EXOC5: variants seen among roughly 807,000 people sequenced by gnomAD.
The protein encoded by EXOC5 is exocyst complex component 5.
In EXOC5, 17 loss-of-function variants were observed where a neutral mutation model predicts 90.8. The ratio of observed to expected loss-of-function variants is 0.19; its 90% CI spans 0.13 to 0.28. The LOEUF (loss-of-function observed/expected upper bound fraction) is 0.28. Ranked by LOEUF, EXOC5 falls within the 10% of genes least tolerant of loss-of-function variation. The probability of loss-of-function intolerance (pLI) is 1.00; values close to 1 mark genes in which losing one functional copy is unlikely to be tolerated. For missense variants in EXOC5, 569 were observed against 830.6 expected (o/e 0.69, Z 3.87); for synonymous variants, 260 against 270.0 (o/e 0.96, Z 0.36).
intron 15 of EXOC5, among the ~76,000 whole-genome samples, chr14:57,216,697 CG>C (rs1195965858): frequency 6.6e-6 from 1 of 151,978 alleles, no homozygotes; most frequent in African/African-American, 2.4e-5. Flanking sequence ...TAGAAGAAAA[CG>C]TAAGAAAAAA....
At chr14:57,232,440 T>C in intron 10 of EXOC5, 1 of 303,258 alleles carries the variant, frequency 3.3e-6, no homozygotes. Flanking sequence ...ATTACACTAA[T>C]GCTTAGAGAA....
intron 1 of EXOC5, among the ~76,000 whole-genome samples, chr14:57,258,216 C>A (rs1014585584): frequency 6.6e-6 from 1 of 152,116 alleles, no homozygotes; most frequent in African/African-American, 2.4e-5. Context: ...CAAAAGATTA[C>A]AAATCATTCT....
intron 10 of EXOC5, 30 bp downstream of exon 10, chr14:57,232,637 T>C: frequency 2.2e-6 from 2 of 925,536 alleles, no homozygotes; most frequent in Non-Finnish European, 3.3e-6. Flanking sequence ...AAATCTGTTA[T>C]CTATTATTTT....
intron 5 of EXOC5, chr14:57,237,696 A>C (rs987467208): frequency 5.4e-6 from 1 of 185,930 alleles, no homozygotes. Context: ...GACACTAACA[A>C]CCCAGCCAGT....
At chr14:57,237,217 C>T in intron 6 of EXOC5, 121 bp downstream of exon 6, 2 of 665,292 alleles carry the variant, frequency 3.0e-6, no homozygotes, top group Non-Finnish European at 5.5e-6. Context: ...ATCTTCTATG[C>T]AGTAGCCTAC....
In EXOC5 at chr14:57,256,352, T is replaced by G. The variant is rs572662651; in HGVS notation, c.28-8640A>C. 9.2e-5 allele frequency among the ~76,000 whole-genome samples: 14 copies of G among 152,132 alleles called. No individual in the cohort carries two copies. In the South Asian group the frequency reaches 1.3e-3, roughly 14 times the overall value. On this transcript the variant is annotated intron_variant, in intron 1 of 17. Transcript: ENST00000621441. Reference sequence around the variant, plus strand: ...GGCCTAAAAAGGGTATTATAACCAGTTAAGATACCAAGAACATCAGAGGTA... The same window carrying G: ...GGCCTAAAAAGGGTATTATAACCAGGTAAGATACCAAGAACATCAGAGGTA...
chr14:57,209,616 A>G lies in EXOC5; in HGVS notation c.1889T>C (p.Leu630Ser), dbSNP rs1882765199. 3 of 1,613,542 alleles carry G rather than the reference A, an allele frequency of 1.9e-6. No homozygotes were observed. The highest frequency in any genetic ancestry group is 2.5e-6 in the Non-Finnish European group (3 of 1,179,650). Residue 630 changes from leucine (L) to serine (S), a missense_variant, in exon 17 of 18, where the codon TTG (leucine) becomes TCG (serine). Physicochemically the swap from Leu to Ser is moderately radical, Grantham distance 145. Around this residue, in one of 9 missense-constraint regions of EXOC5, gnomAD observed 122 missense variants for 180.0 expected, o/e 0.68. Transcript: ENST00000621441. ...QYSYSCMGGM[L>S]AICDVAEYRK... ...ATATTCGGCTACATCACAAATGGCC[A>G]ACATGCCACCCATACAACTGTAGGA...
At chr14:57,244,473 T>A (rs567025196) in intron 3 of EXOC5, 114 bp from the exon 4 acceptor site, 4 of 779,218 alleles carry the variant, frequency 5.1e-6, no homozygotes, top group Non-Finnish European at 6.4e-6. Context: ...CGAGATGATC[T>A]ACAAAATTCA....
At chr14:57,238,680 G>A (rs1273268125) in intron 5 of EXOC5, among the ~76,000 whole-genome samples, 1 of 151,802 alleles carries the variant, frequency 6.6e-6, no homozygotes, top group Non-Finnish European at 1.5e-5. Context: ...GATCATTATT[G>A]CTAATTCTTC....
At chr14:57,264,132 A>G (rs1027278594) in intron 1 of EXOC5, among the ~76,000 whole-genome samples, 4 of 152,234 alleles carry the variant, frequency 2.6e-5, no homozygotes, top group Admixed American at 1.3e-4. Context: ...GATTCATTCA[A>G]CGTTTGCAGA....
chr14:57,261,905 T>C (rs1029506506), intron 1 of EXOC5, among the ~76,000 whole-genome samples: 3 of 152,308 alleles, frequency 2.0e-5, no homozygotes, highest in East Asian at 1.9e-4. Context: ...TCTATAGTCA[T>C]AGGCCTGTAC....
intron 5 of EXOC5, among the ~76,000 whole-genome samples, chr14:57,238,022 T>C (rs1980787): frequency 6.6e-6 from 1 of 151,884 alleles, no homozygotes; most frequent in African/African-American, 2.4e-5. Context: ...TATTTTAAGA[T>C]TGTGTGCAAT....
chr14:57,237,131 T>C (rs57060284), intron 6 of EXOC5, among the ~76,000 whole-genome samples: 1,925 of 152,146 alleles, frequency 0.013, 42 homozygotes, highest in African/African-American at 0.043. Context: ...TGCTTGTATA[T>C]CCATAGATTA....
chr14:57,208,507 G>A lies in EXOC5; in HGVS notation c.*102C>T, dbSNP rs1250118210. 4.2e-6 allele frequency: 3 copies of A among 721,686 alleles called. No homozygotes were observed. Among genetic ancestry groups the A allele is most frequent in the Non-Finnish European group, 6.9e-6 (3 of 437,568 alleles). 44.7% of individuals were successfully genotyped at this position (721,686 alleles called of 1,614,324 possible). The stretch of plus-strand genomic sequence containing the variant: ...CATTGTTTCACAAAATGTTGGCTGT[G>A]TCATAAGGTATCTCCTGTGCTTTCT... On this transcript the variant is annotated 3_prime_UTR_variant, in exon 18 of 18. Coordinates refer to ENST00000621441, the MANE Select transcript of EXOC5 (RefSeq NM_006544.4).
intron 4 of EXOC5, among the ~76,000 whole-genome samples, chr14:57,239,898 T>C (rs1451225380): frequency 1.3e-5 from 2 of 152,154 alleles, no homozygotes; most frequent in African/African-American, 2.4e-5. Flanking sequence ...TGAAATTCTG[T>C]GATTTTTTTG....
At position 57,201,540 on chromosome 14, in the gene EXOC5, TATAC is replaced by T. The variant is rs1016992998; in HGVS notation, c.*7065_*7068del. The T allele has an allele frequency of 5.3e-5, 7 of 131,908 alleles. No individual in the cohort carries two copies. The highest frequency in any genetic ancestry group is 4.4e-4 in the South Asian group (2 of 4,532). 8.2% of individuals were successfully genotyped at this position (131,908 alleles called of 1,614,324 possible). A position where few individuals can be genotyped will look rare whatever the true frequency, so the allele number is the denominator to read the frequency against. On this transcript the variant is annotated 3_prime_UTR_variant, in exon 18 of 18. Transcript: ENST00000621441. ...TATATATATACACACACACCACACA[TATAC>T]ATATATTTTTATATATATTAATATT... is the stretch of plus-strand genomic sequence containing the variant.
At chr14:57,237,059 T>C (rs1883685003) in intron 6 of EXOC5, among the ~76,000 whole-genome samples, 2 of 152,070 alleles carry the variant, frequency 1.3e-5, no homozygotes. Context: ...TAGAAGTACA[T>C]ATAAATATCT....
rs140269217 is a variant in EXOC5, at chr14:57,234,668, C to T, written c.670-636G>A. 2.6e-3 allele frequency among the ~76,000 whole-genome samples: 386 copies of T among 151,264 alleles called. 16 individuals are homozygous for T. In the East Asian group the frequency reaches 0.062, roughly 24 times the overall value. ...ACAACCTCTGCCTCCCAGGCTCATG[C>T]GATCCTCCTGCTGTAGCCTCCCGAG... On this transcript the variant is annotated intron_variant, in intron 7 of 17. Coordinates refer to ENST00000621441, the MANE Select transcript of EXOC5 (RefSeq NM_006544.4).
chr14:57,241,333 T>C (rs535363189), intron 4 of EXOC5, among the ~76,000 whole-genome samples: 4 of 152,324 alleles, frequency 2.6e-5, no homozygotes, highest in Admixed American at 2.6e-4. Flanking sequence ...ACTCACTCTG[T>C]CCTGTTGTAT....
Sources: allele counts gnomAD v4.1 joint callset (sites outside exome capture counted in the v4.1 genomes callset), GRCh38; gene constraint gnomAD v4.1.1; regional missense constraint gnomAD v4.1.1; transcripts MANE v1.5; gene names NCBI Gene and HGNC (gene_info 2026-07-23, HGNC 2026-07-21).